Variants in RUVBL2 observed in about 807,000 individuals in gnomAD.
RUVBL2 encodes ruvB-like 2.
In RUVBL2, 9 loss-of-function variants were observed where a neutral mutation model predicts 57.9. That is an observed-to-expected ratio of 0.16 (90% confidence interval 0.09 to 0.27). The LOEUF is 0.27. Ranked by LOEUF, RUVBL2 falls within the 10% of genes least tolerant of loss-of-function variation. The probability of loss-of-function intolerance (pLI) is 1.00; values close to 1 mark genes in which losing one functional copy is unlikely to be tolerated. For missense variants in RUVBL2, 456 were observed against 669.6 expected, an observed-to-expected ratio of 0.68 and a Z score of 3.52; for synonymous variants, 278 against 264.6, an observed-to-expected ratio of 1.05 and a Z score of -0.49.
At chr19:48,994,068 G>A (rs2039002459) in intron 1 of RUVBL2, 145 bp downstream of exon 1, 1 of 496,434 alleles carries the variant, frequency 2.0e-6, no homozygotes, top group Non-Finnish European at 3.3e-6. Flanking sequence ...AGGAAGCTCG[G>A]CCACCCAGAT....
At chr19:48,999,422 C>T (rs967767665) in intron 2 of RUVBL2, 49 bp downstream of exon 2, 4 of 1,598,680 alleles carry the variant, frequency 2.5e-6, no homozygotes, top group African/African-American at 1.3e-5. Context: ...CTGCCATGTG[C>T]CCTGACAGAG....
chr19:49,010,535 G>A lies in RUVBL2; in HGVS notation c.711G>A (p.Glu237=). ...CPDGELQKRK[E]VVHTVSLHEI... ...ATGGGGAGCTCCAGAAACGCAAGGA[G>A]GTGGTGCACACCGTGTCCCTGCACG... Residue 237 remains glutamate (E), a synonymous_variant, in exon 9 of 15, where the codon GAG becomes GAA. Transcript: ENST00000595090. 1 of 1,509,504 alleles carries A rather than the reference G, an allele frequency of 6.6e-7. No individual in the cohort carries two copies. Among genetic ancestry groups the A allele is most frequent in the Non-Finnish European group, 9.0e-7 (1 of 1,115,140 alleles). The allele number at this position is 1,509,504 out of a possible 1,614,324, so 93.5% of individuals were successfully genotyped here.
chr19:49,010,448 GC>G, intron 8 of RUVBL2, 39 bp from the exon 9 acceptor site: 1 of 1,607,434 alleles, frequency 6.2e-7, no homozygotes. Flanking sequence ...GCCCTTCCCT[GC>G]CCTGTCTCCG....
At chr19:48,999,428 C>A in intron 2 of RUVBL2, 55 bp downstream of exon 2, 1 of 1,580,400 alleles carries the variant, frequency 6.3e-7, no homozygotes, top group Non-Finnish European at 8.7e-7. Flanking sequence ...TGTGCCCTGA[C>A]AGAGCAAACC....
At chr19:49,010,467 T>TGCGCCCCCCCCCC in intron 8 of RUVBL2, 21 bp from the exon 9 acceptor site, 1 of 1,401,208 alleles carries the variant, frequency 7.1e-7, no homozygotes. Context: ...CCGCCGTTCT[T>TGCGCCCCCCCCCC]CCCCCACCCC....
In RUVBL2 at chr19:49,011,490, A is replaced by G. The variant is rs984492145; in HGVS notation, c.1001+180A>G. The stretch of plus-strand genomic sequence containing the variant: ...CTCTGCTTCCCGAGGAAGCCCAGAG[A>G]CTGTGTTCTTGCTGCCTTTCTGTCT... On this transcript the variant is annotated intron_variant, in intron 11 of 14. Transcript: ENST00000595090. The surrounding 1 kb of genome is among the most constrained non-coding windows in gnomAD (Gnocchi z 4.4). Among the ~76,000 whole-genome samples, 7 of 152,140 alleles carry G rather than the reference A, an allele frequency of 4.6e-5. No individual in the cohort carries two copies. Among genetic ancestry groups the G allele is most frequent in the Non-Finnish European group, 1.0e-4 (7 of 68,016 alleles).
intron 4 of RUVBL2, among the ~76,000 whole-genome samples, chr19:49,005,756 C>T (rs2039270773): frequency 6.6e-6 from 1 of 152,126 alleles, no homozygotes; most frequent in Non-Finnish European, 1.5e-5. Context: ...CTGCCTCAAC[C>T]TCCCAAGTAG....
intron 8 of RUVBL2, 44 bp from the exon 9 acceptor site, chr19:49,010,444 C>T (rs761449945): frequency 3.7e-6 from 6 of 1,607,386 alleles, no homozygotes; most frequent in Non-Finnish European, 5.1e-6. Flanking sequence ...TCATGCCCTT[C>T]CCTGCCCTGT....
chr19:48,999,669 G>A (rs781325118), intron 2 of RUVBL2, among the ~76,000 whole-genome samples: 5 of 152,084 alleles, frequency 3.3e-5, no homozygotes, highest in Non-Finnish European at 5.9e-5. Flanking sequence ...GTTTGGCCTC[G>A]TATACCCAGT....
intron 2 of RUVBL2, among the ~76,000 whole-genome samples, chr19:48,999,682 A>G (rs2039138264): frequency 6.6e-6 from 1 of 152,156 alleles, no homozygotes. Flanking sequence ...TACCCAGTAC[A>G]CACTGTGGGG....
intron 4 of RUVBL2, among the ~76,000 whole-genome samples, chr19:49,006,126 G>C (rs151063416): frequency 6.6e-6 from 1 of 152,360 alleles, no homozygotes; most frequent in East Asian, 1.9e-4. Context: ...GGCATGGGCC[G>C]TGCTCGTCCA....
chr19:49,008,981 AAAAT>A (rs1484913836), intron 6 of RUVBL2, among the ~76,000 whole-genome samples: 4 of 151,516 alleles, frequency 2.6e-5, no homozygotes, highest in African/African-American at 9.7e-5. Flanking sequence ...CTCCATCTCA[AAAAT>A]AAATAAATAA....
intron 1 of RUVBL2, among the ~76,000 whole-genome samples, chr19:48,996,926 G>T (rs1019387107): frequency 1.3e-5 from 2 of 150,598 alleles, no homozygotes; most frequent in African/African-American, 4.9e-5. Flanking sequence ...GCCTCCCAAA[G>T]TGCTGGTATT....
chr19:49,006,236 G>A (rs2039279422), intron 4 of RUVBL2, among the ~76,000 whole-genome samples: 1 of 152,260 alleles, frequency 6.6e-6, no homozygotes, highest in Admixed American at 6.5e-5. Flanking sequence ...GGGCAGGAGG[G>A]TGTGGTGTCA....
chr19:49,005,679 A>G (rs1600181126), intron 4 of RUVBL2, among the ~76,000 whole-genome samples: 1 of 149,832 alleles, frequency 6.7e-6, no homozygotes, highest in East Asian at 2.0e-4. Context: ...TCTGTCGCTC[A>G]GGCTGGAGTG....
Position 48,998,505 on chromosome 19 carries a change from G to A in RUVBL2, c.13-814G>A, listed in dbSNP as rs901933085. On this transcript the variant is annotated intron_variant, in intron 1 of 14. Coordinates refer to ENST00000595090, the MANE Select transcript of RUVBL2 (RefSeq NM_006666.3). ...AGGTCAGGAGTTCGAGACCAGCCTG[G>A]CCAACCCCAGTAGAGATGGGCGAAA... Among the ~76,000 whole-genome samples, 4 of 152,016 alleles carry A rather than the reference G, an allele frequency of 2.6e-5. No individual in the cohort carries two copies. In the East Asian group the frequency reaches 5.8e-4, roughly 22 times the overall value.
intron 1 of RUVBL2, chr19:48,994,921 CA>C (rs375602233): frequency 5.6e-4 from 78 of 138,764 alleles, no homozygotes; most frequent in South Asian, 2.3e-3. Flanking sequence ...ACTCTGTCTC[CA>C]AAAAAAAAAA....
In RUVBL2 at chr19:49,010,707, C is replaced by G. The variant is rs995453752; in HGVS notation, c.787+96C>G. On this transcript the variant is annotated intron_variant, in intron 9 of 14. Transcript: ENST00000595090. ...TTCCTGAGCTCCGAGTGTGGCCCACCTGCTCCACGCTGTTTCCTGTAACTC... is the reference window on the plus strand; with the variant it reads ...TTCCTGAGCTCCGAGTGTGGCCCACGTGCTCCACGCTGTTTCCTGTAACTC... 2.2e-5 allele frequency: 34 copies of G among 1,520,052 alleles called. No homozygotes were observed. The African/African-American group carries it at 4.5e-4, about 20-fold the overall frequency. 94.2% of individuals were successfully genotyped at this position (1,520,052 alleles called of 1,614,324 possible).
At chr19:49,003,158 C>G in intron 2 of RUVBL2, 121 bp from the exon 3 acceptor site, 1 of 803,210 alleles carries the variant, frequency 1.2e-6, no homozygotes. Flanking sequence ...ATTCCCCCAA[C>G]CCCTGCTCCC....
Sources: gnomAD v4.1 joint callset for allele counts (sites outside exome capture counted in the v4.1 genomes callset) on GRCh38, gnomAD v4.1.1 for gene constraint, Gnocchi (gnomAD v3.1) non-coding constraint, MANE v1.5 for transcripts, NCBI Gene and HGNC (gene_info 2026-07-23, HGNC 2026-07-21) for gene names.